RBFOX1: variants seen among roughly 807,000 people sequenced by gnomAD.
The protein encoded by RBFOX1 is RNA binding fox-1 homolog 1, also known as RNA binding protein fox-1 homolog 1.
In RBFOX1, 8 loss-of-function variants were observed where a neutral mutation model predicts 57.7. That is an observed-to-expected ratio of 0.14 (90% CI 0.08 to 0.25). RBFOX1 has a LOEUF of 0.25. Ranked by LOEUF, RBFOX1 falls within the 10% of genes least tolerant of loss-of-function variation. The pLI is 1.00. For missense variants in RBFOX1, 611 were observed against 548.5 expected (o/e 1.11, Z -1.14); for synonymous variants, 326 against 222.4 (o/e 1.47, Z -4.15).
At chr16:6,615,680 C>G (rs75115408) in intron 2 of RBFOX1, among the ~76,000 whole-genome samples, 8 of 152,168 alleles carry the variant, frequency 5.3e-5, no homozygotes, top group Non-Finnish European at 1.0e-4. Context: ...TTCCATCAGC[C>G]TTTCCCTCTC....
At chr16:5,945,211 C>G (rs1458113167) in intron 4 of RBFOX1, among the ~76,000 whole-genome samples, 1 of 152,106 alleles carries the variant, frequency 6.6e-6, no homozygotes, top group African/African-American at 2.4e-5. Context: ...AAGTGAACAA[C>G]TCAGATAAAA....
chr16:7,142,181 A>T (rs1246837529), intron 4 of RBFOX1, among the ~76,000 whole-genome samples: 1 of 151,866 alleles, frequency 6.6e-6, no homozygotes, highest in African/African-American at 2.4e-5. Context: ...ACACCACCAC[A>T]CCTGACCAAT....
intron 4 of RBFOX1, among the ~76,000 whole-genome samples, chr16:7,355,426 C>A (rs1298976369): frequency 6.6e-6 from 1 of 152,146 alleles, no homozygotes; most frequent in African/African-American, 2.4e-5. Context: ...TACCTCCCAC[C>A]CAGAGACAAT....
chr16:7,320,739 C>G (rs532161104), intron 4 of RBFOX1, among the ~76,000 whole-genome samples: 1 of 152,174 alleles, frequency 6.6e-6, no homozygotes, highest in East Asian at 1.9e-4. Context: ...TAAGAAACAC[C>G]ATGAATAAAG....
intron 3 of RBFOX1, among the ~76,000 whole-genome samples, chr16:5,656,891 A>G (rs1377547283): frequency 3.3e-5 from 5 of 152,182 alleles, no homozygotes; most frequent in Non-Finnish European, 7.3e-5. Context: ...ATGAGAAAAT[A>G]TGGACACAGG....
intron 4 of RBFOX1, among the ~76,000 whole-genome samples, chr16:7,292,607 G>A (rs1342360331): frequency 1.3e-5 from 2 of 150,706 alleles, no homozygotes; most frequent in African/African-American, 4.9e-5. Context: ...GGTATAGGAG[G>A]TAAGAGACCT....
chr16:6,923,935 T>A (rs1452313727), intron 3 of RBFOX1, among the ~76,000 whole-genome samples: 1 of 152,058 alleles, frequency 6.6e-6, no homozygotes, highest in Non-Finnish European at 1.5e-5. Context: ...CTTTGGAGGC[T>A]GAGTCAGGCA....
At chr16:7,197,855 A>G (rs923444579) in intron 4 of RBFOX1, among the ~76,000 whole-genome samples, 3 of 152,188 alleles carry the variant, frequency 2.0e-5, no homozygotes, top group African/African-American at 7.2e-5. Flanking sequence ...TGAAATATCC[A>G]GAATAGGAAA....
intron 4 of RBFOX1, among the ~76,000 whole-genome samples, chr16:7,067,045 T>C (rs1257723616): frequency 6.6e-6 from 1 of 152,084 alleles, no homozygotes; most frequent in Non-Finnish European, 1.5e-5. Flanking sequence ...TGTAAGTAAA[T>C]AATAATAAGT....
chr16:6,049,049 A>G lies in RBFOX1; in HGVS notation c.-127+29057A>G, dbSNP rs1213836672. 2.8e-5 allele frequency among the ~76,000 whole-genome samples: 4 copies of G among 144,462 alleles called. No individual in the cohort carries two copies. The East Asian group carries it at 8.1e-4, about 29-fold the overall frequency. The allele number at this position is 144,462 out of a possible 152,430, so 94.8% of individuals were successfully genotyped here. A position where few individuals can be genotyped will look rare whatever the true frequency, so the allele number is the denominator to read the frequency against. On this transcript the variant is annotated intron_variant, in intron 1 of 15. Transcript: ENST00000550418. ...GACGATCGACCCCTTACATCTTCTA[A>G]CAGCTTTTTTTTTTTTTTTTTTTTT...
chr16:6,855,922 T>G (rs570467881), intron 3 of RBFOX1, among the ~76,000 whole-genome samples: 1 of 150,856 alleles, frequency 6.6e-6, no homozygotes, highest in South Asian at 2.2e-4. Flanking sequence ...CTTCTTTCTT[T>G]ACTCATGCAC....
chr16:6,221,937 A>G (rs953339695), intron 1 of RBFOX1, among the ~76,000 whole-genome samples: 3 of 152,146 alleles, frequency 2.0e-5, no homozygotes, highest in Non-Finnish European at 4.4e-5. Context: ...GTATCAACCA[A>G]TATATGAGAA....
intron 3 of RBFOX1, among the ~76,000 whole-genome samples, chr16:6,715,666 C>T (rs1358635696): frequency 6.6e-6 from 1 of 152,156 alleles, no homozygotes; most frequent in African/African-American, 2.4e-5. Flanking sequence ...TTGGAAAACC[C>T]ATTTCTTGAA....
At chr16:7,213,964 C>T (rs567394729) in intron 4 of RBFOX1, among the ~76,000 whole-genome samples, 5 of 152,030 alleles carry the variant, frequency 3.3e-5, no homozygotes, top group Non-Finnish European at 7.4e-5. Flanking sequence ...CCATTTGCAC[C>T]GCAGAGCTCA....
At chr16:6,191,370 T>C (rs1386229373) in intron 1 of RBFOX1, among the ~76,000 whole-genome samples, 2 of 152,160 alleles carry the variant, frequency 1.3e-5, no homozygotes, top group Non-Finnish European at 2.9e-5. Flanking sequence ...AGGGATGGCA[T>C]GTCCTTTCAC....
intron 2 of RBFOX1, among the ~76,000 whole-genome samples, chr16:6,390,639 G>A (rs576651622): frequency 2.0e-5 from 3 of 152,220 alleles, no homozygotes; most frequent in East Asian, 3.9e-4. Flanking sequence ...TAGTTGATGC[G>A]ACAGTATATG....
chr16:6,678,014 A>G (rs2058034235), intron 3 of RBFOX1, among the ~76,000 whole-genome samples: 1 of 152,244 alleles, frequency 6.6e-6, no homozygotes, highest in Non-Finnish European at 1.5e-5. Flanking sequence ...TAGTAGCAAC[A>G]TTAAAAAAGC....
At chr16:6,940,600 A>C (rs749794634) in intron 3 of RBFOX1, among the ~76,000 whole-genome samples, 5 of 151,970 alleles carry the variant, frequency 3.3e-5, no homozygotes, top group Non-Finnish European at 5.9e-5. Flanking sequence ...TTATTTGTAC[A>C]CTTCTTTTCT....
intron 3 of RBFOX1, among the ~76,000 whole-genome samples, chr16:6,946,438 C>T (rs1288431008): frequency 1.3e-5 from 2 of 152,208 alleles, no homozygotes; most frequent in Non-Finnish European, 2.9e-5. Context: ...TGAAAATAAG[C>T]TGTTACCCAC....
Sources: gnomAD v4.1 joint callset for allele counts (sites outside exome capture counted in the v4.1 genomes callset) on GRCh38, gnomAD v4.1.1 for gene constraint, MANE v1.5 for transcripts, NCBI Gene and HGNC (gene_info 2026-07-23, HGNC 2026-07-21) for gene names.